SLIT3: variants seen among roughly 807,000 people sequenced by gnomAD.
SLIT3 encodes slit guidance ligand 3, also known as slit homolog 3 protein.
A neutral mutation model predicts 184.0 loss-of-function variants in SLIT3; 68 were observed. The ratio of observed to expected loss-of-function variants is 0.37; its 90% CI spans 0.30 to 0.45. SLIT3 has a LOEUF of 0.45. Ranked by LOEUF, SLIT3 falls within the 20% of genes least tolerant of loss-of-function variation. The pLI, the probability that SLIT3 is intolerant of heterozygous loss-of-function variation, is 1.00. For missense variants in SLIT3, 1,707 were observed against 2,026.0 expected (o/e 0.84, Z 3.02); for synonymous variants, 831 against 828.6 (o/e 1.00, Z -0.05).
At chr5:168,805,635 C>A (rs567440703) in intron 9 of SLIT3, among the ~76,000 whole-genome samples, 15 of 152,248 alleles carry the variant, frequency 9.9e-5, no homozygotes, top group African/African-American at 3.1e-4. Context: ...TGTGGACAAA[C>A]ACATTTTACT....
At chr5:168,806,921 T>G (rs1192959889) in intron 8 of SLIT3, among the ~76,000 whole-genome samples, 1 of 152,128 alleles carries the variant, frequency 6.6e-6, no homozygotes, top group Non-Finnish European at 1.5e-5. Context: ...GGGACCACTT[T>G]CCCAGGATGC....
chr5:169,123,094 G>C (rs1022079074), intron 4 of SLIT3, among the ~76,000 whole-genome samples: 2 of 151,620 alleles, frequency 1.3e-5, no homozygotes, highest in Non-Finnish European at 1.5e-5. Context: ...AACCATGCAT[G>C]GATTAAAAAA....
At chr5:168,757,543 C>T (rs868254594) in intron 16 of SLIT3, among the ~76,000 whole-genome samples, 1 of 152,200 alleles carries the variant, frequency 6.6e-6, no homozygotes, top group Non-Finnish European at 1.5e-5. Context: ...ACGCCATTCT[C>T]CTGCTTCAGC....
At chr5:169,250,444 C>A (rs72837970) in intron 2 of SLIT3, among the ~76,000 whole-genome samples, 3,038 of 152,254 alleles carry the variant, frequency 0.02, 63 homozygotes, top group Non-Finnish European at 0.033. Flanking sequence ...AAAACTGAGG[C>A]CCAAGGAGGA....
intron 5 of SLIT3, among the ~76,000 whole-genome samples, chr5:168,851,940 C>T (rs1205618866): frequency 6.6e-6 from 1 of 152,210 alleles, no homozygotes; most frequent in Non-Finnish European, 1.5e-5. Context: ...TCTTTGCAAA[C>T]AAGCCCATGA....
intron 20 of SLIT3, among the ~76,000 whole-genome samples, chr5:168,725,725 T>C (rs1763087925): frequency 6.6e-6 from 1 of 152,338 alleles, no homozygotes; most frequent in African/African-American, 2.4e-5. Context: ...AATGAGCTCC[T>C]GGGTGATGGT....
intron 4 of SLIT3, among the ~76,000 whole-genome samples, chr5:169,168,168 C>T (rs1762699917): frequency 6.6e-6 from 1 of 152,220 alleles, no homozygotes; most frequent in Non-Finnish European, 1.5e-5. Context: ...GGGCCCTTCA[C>T]TCTAAGCACG....
intron 4 of SLIT3, among the ~76,000 whole-genome samples, chr5:169,052,613 C>T (rs1381450398): frequency 1.3e-5 from 2 of 152,132 alleles, no homozygotes; most frequent in Non-Finnish European, 2.9e-5. Context: ...GGAGTGTGAG[C>T]ACCAGTAAGC....
chr5:168,672,600 A>C (rs10079507), intron 33 of SLIT3, among the ~76,000 whole-genome samples: 23,327 of 151,940 alleles, frequency 0.15, 3,895 homozygotes, highest in African/African-American at 0.4. Context: ...CTCACCCTCC[A>C]AAGTAGCTGG....
chr5:169,128,430 A>G lies in SLIT3; in HGVS notation c.413+65049T>C, dbSNP rs1356357625. ...CTGTAGTGTAATGCTATATATCTTT[A>G]TTTATTTATCTTTTTTAAGGTGGAG... On this transcript the variant is annotated intron_variant, in intron 4 of 35. Transcript: ENST00000519560. Among the ~76,000 whole-genome samples the G allele has an allele frequency of 3.3e-5, 5 of 151,550 alleles. No individual in the cohort carries two copies. In the South Asian group the frequency reaches 6.2e-4, roughly 19 times the overall value.
intron 1 of SLIT3, among the ~76,000 whole-genome samples, chr5:169,261,325 CA>C (rs59081003): frequency 0.62 from 93,654 of 151,650 alleles, 29,459 homozygotes; most frequent in East Asian, 0.75. Context: ...AAACAAAAAA[CA>C]AAAAAAAACC....
chr5:168,669,608 G>A (rs189967671), intron 35 of SLIT3, among the ~76,000 whole-genome samples, 175 bp downstream of exon 35: 16 of 152,322 alleles, frequency 1.1e-4, no homozygotes, highest in Admixed American at 3.9e-4. Context: ...AACTGATACA[G>A]GAAGGTATAG....
intron 5 of SLIT3, among the ~76,000 whole-genome samples, chr5:168,877,764 T>C (rs1759787700): frequency 6.6e-6 from 1 of 152,158 alleles, no homozygotes; most frequent in African/African-American, 2.4e-5. Context: ...GGTTATTGAT[T>C]TTCCCTTCTG....
intron 6 of SLIT3, among the ~76,000 whole-genome samples, chr5:168,823,633 A>T (rs1233540796): frequency 6.6e-6 from 1 of 152,130 alleles, no homozygotes; most frequent in Non-Finnish European, 1.5e-5. Context: ...TCATTATAAC[A>T]TCTCTAATTC....
chr5:169,050,890 G>T (rs182531317), intron 4 of SLIT3, among the ~76,000 whole-genome samples: 7 of 152,142 alleles, frequency 4.6e-5, no homozygotes, highest in Non-Finnish European at 1.0e-4. Flanking sequence ...GAATTTGTTG[G>T]CACTATTTAT....
At chr5:168,957,090 G>A (rs576526068) in intron 4 of SLIT3, among the ~76,000 whole-genome samples, 24 of 151,910 alleles carry the variant, frequency 1.6e-4, no homozygotes, top group Non-Finnish European at 1.9e-4. Context: ...TTAGCTGGGC[G>A]TGGTGGCGGG....
chr5:169,219,914 G>C (rs1454857060), intron 3 of SLIT3, among the ~76,000 whole-genome samples: 1 of 152,174 alleles, frequency 6.6e-6, no homozygotes, highest in Non-Finnish European at 1.5e-5. Flanking sequence ...CAGTGGGCAA[G>C]ACTTGACATT....
intron 4 of SLIT3, among the ~76,000 whole-genome samples, chr5:169,113,863 C>T (rs943511392): frequency 1.3e-5 from 2 of 151,934 alleles, no homozygotes; most frequent in East Asian, 3.9e-4. Context: ...ACCATGTTGG[C>T]CAGGATGGTC....
intron 3 of SLIT3, among the ~76,000 whole-genome samples, chr5:169,217,980 C>A (rs1016673479): frequency 6.6e-6 from 1 of 152,158 alleles, no homozygotes; most frequent in African/African-American, 2.4e-5. Context: ...GAAAGCGAGA[C>A]CTTTTCGTCT....
Sources: gnomAD v4.1 joint callset for allele counts (sites outside exome capture counted in the v4.1 genomes callset) on GRCh38, gnomAD v4.1.1 for gene constraint, MANE v1.5 for transcripts, NCBI Gene and HGNC (gene_info 2026-07-23, HGNC 2026-07-21) for gene names.